COL1A1: variants seen among roughly 807,000 people sequenced by gnomAD.
COL1A1 encodes the protein collagen alpha-1(I) chain.
COL1A1 carries 21 observed loss-of-function variants against 195.7 expected under a neutral mutation model. The ratio of observed to expected loss-of-function variants is 0.11; its 90% CI spans 0.08 to 0.15. COL1A1 has a LOEUF of 0.15. Ranked by LOEUF, COL1A1 falls within the 10% of genes least tolerant of loss-of-function variation. COL1A1 has a pLI of 1.00. For synonymous variants in COL1A1, 749 were observed against 747.3 expected, an observed-to-expected ratio of 1.00 and a Z score of -0.04; for missense variants, 1,365 against 2,051.0, an observed-to-expected ratio of 0.67 and a Z score of 6.46.
At chr17:50,191,512 TG>T (rs1480698933) in intron 31 of COL1A1, 22 bp from the exon 32 acceptor site, 8 of 1,610,322 alleles carry the variant, frequency 5.0e-6, no homozygotes, top group Non-Finnish European at 6.8e-6. Flanking sequence ...CCAAGAAGAC[TG>T]GAGTGAGGCC....
In COL1A1 at chr17:50,197,269, T is replaced by G. The variant is rs947039565; in HGVS notation, c.697-36A>C. The G allele has an allele frequency of 3.1e-6, 5 of 1,607,588 alleles. No homozygotes were observed. In the African/African-American group the frequency reaches 6.7e-5, roughly 22 times the overall value. The stretch of plus-strand genomic sequence containing the variant: ...GAGAAAAGACCATCATGCCTCTGCC[T>G]CCCCACCACCGCCTAGGGGCTGGAA... On this transcript the variant is annotated intron_variant, in intron 9 of 50. Transcript: ENST00000225964.
intron 1 of COL1A1, 176 bp from the exon 2 acceptor site, chr17:50,200,123 C>T (rs1318883782): frequency 1.4e-6 from 1 of 710,788 alleles, no homozygotes; most frequent in Non-Finnish European, 2.5e-6. Context: ...GTGACAGCGC[C>T]GAGGCGCCTG....
intron 29 of COL1A1, 104 bp downstream of exon 29, chr17:50,192,371 C>T: frequency 4.5e-6 from 6 of 1,338,366 alleles, no homozygotes; most frequent in Non-Finnish European, 6.3e-6. Flanking sequence ...CGGCGTCTAA[C>T]CTCAATCCCT....
Position 50,186,588 on chromosome 17 carries a change from A to G in COL1A1, c.3814+52T>C. 6.2e-7 allele frequency: 1 copy of G among 1,613,542 alleles called. No individual in the cohort carries two copies. Among genetic ancestry groups the G allele is most frequent in the East Asian group, 2.2e-5 (1 of 44,868 alleles). ...GGTAGGGGCACATATGGGCATGGGG[A>G]CCCTGGCATGGCAGGAGTAGGAGGG... On this transcript the variant is annotated intron_variant, in intron 48 of 50. Coordinates refer to ENST00000225964, the MANE Select transcript of COL1A1 (RefSeq NM_000088.4). The surrounding 1 kb of genome is among the most constrained non-coding windows in gnomAD (Gnocchi z 5.3).
intron 1 of COL1A1, 62 bp downstream of exon 1, chr17:50,201,349 C>G: frequency 6.6e-7 from 1 of 1,517,368 alleles, no homozygotes; most frequent in Non-Finnish European, 9.0e-7. Flanking sequence ...GCCGCGGCCC[C>G]CGGGACCAAG....
chr17:50,188,313 A>G lies in COL1A1; in HGVS notation c.3208-164T>C. 1 of 851,752 alleles carries G rather than the reference A, an allele frequency of 1.2e-6. No individual in the cohort carries two copies. Among genetic ancestry groups the G allele is most frequent in the Non-Finnish European group, 1.8e-6 (1 of 551,876 alleles). 52.8% of individuals were successfully genotyped at this position (851,752 alleles called of 1,614,324 possible). ...ACCTCCCCACTGCAATCTTCACGGG[A>G]GCTGGGGCCAACTCATGGGAGAGGC... is the stretch of plus-strand genomic sequence containing the variant. On this transcript the variant is annotated intron_variant, in intron 43 of 50. Coordinates refer to ENST00000225964, the MANE Select transcript of COL1A1 (RefSeq NM_000088.4). The surrounding 1 kb of genome is among the most constrained non-coding windows in gnomAD (Gnocchi z 5.6).
chr17:50,197,144 A>C, intron 10 of COL1A1, 36 bp downstream of exon 10: 1 of 1,614,040 alleles, frequency 6.2e-7, no homozygotes, highest in Non-Finnish European at 8.5e-7. Flanking sequence ...GCCCAAGTGC[A>C]GTGAAGCCCA....
At position 50,185,809 on chromosome 17, in the gene COL1A1, A is replaced by T; in HGVS notation, c.4217T>A (p.Phe1406Tyr). ...GCCATCGACAGTGACGCTGTAGGTG[A>T]AGCGGCTGTTGCCCTCGGCGCGGAT... ...IEIRAEGNSRFTYSVTVDGCT... is the reference protein window; with the variant it reads ...IEIRAEGNSRYTYSVTVDGCT... Residue 1406 changes from phenylalanine (F) to tyrosine (Y), a missense_variant, in exon 50 of 51, where the codon TTC becomes TAC. This residue lies in a region of COL1A1 where 273 missense variants were observed against 338.6 expected (regional missense o/e 0.81). Coordinates refer to ENST00000225964, the MANE Select transcript of COL1A1 (RefSeq NM_000088.4). 6.2e-7 allele frequency: 1 copy of T among 1,613,956 alleles called. No individual in the cohort carries two copies. The highest frequency in any genetic ancestry group is 8.5e-7 in the Non-Finnish European group (1 of 1,180,008).
Position 50,198,148 on chromosome 17 carries a change from C to T in COL1A1, c.588+13G>A. 2.5e-6 allele frequency: 4 copies of T among 1,614,122 alleles called. No homozygotes were observed. In the South Asian group the frequency reaches 3.3e-5, roughly 13 times the overall value. On this transcript the variant is annotated intron_variant, in intron 7 of 50. Transcript: ENST00000225964. ...AGCCCAAGGAGGCATATGAAGACGT[C>T]CTGGATACTCACAGGTGCACCAGGG...
At position 50,184,837 on chromosome 17, in the gene COL1A1, T is replaced by TC. The variant is rs1176726306; in HGVS notation, c.*664dup. ...GCTTTGTCGTGGCCCTTCCTGACTC[T>TC]CCTCCGAACCCAGTGAGGGGCTGGT... is the stretch of plus-strand genomic sequence containing the variant. On this transcript the variant is annotated 3_prime_UTR_variant, in exon 51 of 51. Transcript: ENST00000225964. The TC allele has an allele frequency of 1.3e-5, 3 of 230,604 alleles. No individual in the cohort carries two copies. The highest frequency in any genetic ancestry group is 2.6e-5 in the Non-Finnish European group (3 of 116,574). 14.3% of individuals were successfully genotyped at this position (230,604 alleles called of 1,614,324 possible). A position where few individuals can be genotyped will look rare whatever the true frequency, so the allele number is the denominator to read the frequency against.
rs773946543 is a variant in COL1A1 at position 50,194,361 on chromosome 17, C to T, written c.1602G>A (p.Leu534=). 1 of 1,614,104 alleles carries T rather than the reference C, an allele frequency of 6.2e-7. No homozygotes were observed. Among genetic ancestry groups the T allele is most frequent in the Non-Finnish European group, 8.5e-7 (1 of 1,180,020 alleles). ...GEAGRPGEAG[L]PGAKGLTGSP... ...CCTGGGGCCTCACCTTGGCACCAGG[C>T]AGACCAGCTTCACCGGGACGACCAG... Residue 534 remains leucine (L), a synonymous_variant, in exon 23 of 51, where the codon CTG becomes CTA. Coordinates refer to ENST00000225964, the MANE Select transcript of COL1A1 (RefSeq NM_000088.4). The surrounding 1 kb of genome is among the most constrained non-coding windows in gnomAD (Gnocchi z 6.8).
At position 50,186,685 on chromosome 17, in the gene COL1A1, G is replaced by T. The variant is rs368295399; in HGVS notation, c.3769C>A (p.Arg1257Ser). 1 of 1,613,704 alleles carries T rather than the reference G, an allele frequency of 6.2e-7. No individual in the cohort carries two copies. Among genetic ancestry groups the T allele is most frequent in the Non-Finnish European group, 8.5e-7 (1 of 1,180,014 alleles). Residue 1257 changes from arginine to serine, a missense_variant, in exon 48 of 51, where the codon CGC becomes AGC. Arg to Ser is a moderately radical substitution (Grantham distance 110). Coordinates refer to ENST00000225964, the MANE Select transcript of COL1A1 (RefSeq NM_000088.4). This position sits in a 1 kb window ranked among gnomAD's most constrained non-coding sequence, Gnocchi z 5.3. ...CACATCTTGAGGTCACGGCAGGTGC[G>T]GGCGGGGTTCTTGCGGCTGCCCTCT... ...SPEGSRKNPA[R>S]TCRDLKMCHS...
At chr17:50,192,395 G>A in intron 29 of COL1A1, 80 bp downstream of exon 29, 5 of 1,466,186 alleles carry the variant, frequency 3.4e-6, no homozygotes, top group Non-Finnish European at 2.8e-6. Context: ...GTTGATGGCT[G>A]TCTGATTAGC....
rs116464938 is a variant in COL1A1 at position 50,193,107 on chromosome 17, G to A, written c.1768-60C>T. ...AAGTGAGAAGCCAGGGCCTCCTGGG[G>A]CCTCTCATTTACTCTGAGTGGGACT... On this transcript the variant is annotated intron_variant, in intron 25 of 50. Coordinates refer to ENST00000225964, the MANE Select transcript of COL1A1 (RefSeq NM_000088.4). The A allele has an allele frequency of 2.0e-3, 3,100 of 1,545,968 alleles. 60 individuals are homozygous for A. In the African/African-American group the frequency reaches 0.035, roughly 17 times the overall value.
intron 29 of COL1A1, 123 bp downstream of exon 29, chr17:50,192,352 A>C: frequency 8.8e-7 from 1 of 1,131,620 alleles, no homozygotes; most frequent in Non-Finnish European, 1.3e-6. Context: ...CATGGGAGGA[A>C]GTTCTTTCCG....
rs556171136 is a variant in COL1A1, at chr17:50,195,156, G to A, written c.1300-56C>T. On this transcript the variant is annotated intron_variant, in intron 19 of 50. Coordinates refer to ENST00000225964, the MANE Select transcript of COL1A1 (RefSeq NM_000088.4). The surrounding 1 kb of genome is among the most constrained non-coding windows in gnomAD (Gnocchi z 4.3). The stretch of plus-strand genomic sequence containing the variant: ...AGTCGGGGGCGCTCAGTTGGCCTGC[G>A]TCTTCCTGCTCCCCAGATGAGAGCC... 5.4e-5 allele frequency: 86 copies of A among 1,607,056 alleles called. No homozygotes were observed. In the South Asian group the frequency reaches 5.9e-4, roughly 11 times the overall value.
At chr17:50,187,269 C>T (rs887810510) in intron 46 of COL1A1, 147 bp from the exon 47 acceptor site, 3 of 827,594 alleles carry the variant, frequency 3.6e-6, no homozygotes, top group Admixed American at 4.4e-5. Flanking sequence ...CATGCCATAG[C>T]TCCTCCCAGC....
chr17:50,190,364 G>T lies in COL1A1; in HGVS notation c.2414C>A (p.Pro805His). The part of the protein sequence containing the change: ...ARGAPGDRGE[P>H]GPPGPAGFAG... Reference sequence around the variant, plus strand: ...AAAGCCAGCAGGGCCGGGGGGACCAGGCTCACCACGGTCTCCCTAGAAGAA... The same window carrying T: ...AAAGCCAGCAGGGCCGGGGGGACCATGCTCACCACGGTCTCCCTAGAAGAA... Residue 805 changes from proline to histidine, a missense_variant, in exon 35 of 51, where the codon CCT becomes CAT. Pro to His is a moderately conservative substitution (Grantham distance 77). This residue lies in a region of COL1A1 where 671 missense variants were observed against 1,099.9 expected (regional missense o/e 0.61). Coordinates refer to ENST00000225964, the MANE Select transcript of COL1A1 (RefSeq NM_000088.4). This position sits in a 1 kb window ranked among gnomAD's most constrained non-coding sequence, Gnocchi z 4.7. 1.2e-6 allele frequency: 2 copies of T among 1,610,608 alleles called. No homozygotes were observed. Among genetic ancestry groups the T allele is most frequent in the Non-Finnish European group, 1.7e-6 (2 of 1,177,356 alleles).
chr17:50,189,505 C>T lies in COL1A1; in HGVS notation c.2701G>A (p.Ala901Thr), dbSNP rs754482183. 8 of 1,613,768 alleles carry T rather than the reference C, an allele frequency of 5.0e-6. No individual in the cohort carries two copies. The African/African-American group carries it at 8.0e-5, about 16-fold the overall frequency. The change falls in exon 39 of 51, where the codon GCT becomes ACT. Residue 901 changes from alanine (A) to threonine (T), a missense_variant. Physicochemically the swap from Ala to Thr is moderately conservative, Grantham distance 58 (BLOSUM62 0). Coordinates refer to ENST00000225964, the MANE Select transcript of COL1A1 (RefSeq NM_000088.4). The surrounding 1 kb of genome is among the most constrained non-coding windows in gnomAD (Gnocchi z 5.5). Reference protein sequence around the residue: ...NAGPPGPPGPAGKEGGKGPRG... With the variant: ...NAGPPGPPGPTGKEGGKGPRG... ...GGACCTTTGCCGCCTTCTTTGCCAG[C>T]AGGACCAGGAGGGCCAGGGGGTCCA... is the stretch of plus-strand genomic sequence containing the variant.
Sources: gnomAD v4.1 joint callset for allele counts on GRCh38, gnomAD v4.1.1 for gene constraint, gnomAD v4.1.1 regional missense constraint, Gnocchi (gnomAD v3.1) non-coding constraint, MANE v1.5 for transcripts, NCBI Gene and HGNC (gene_info 2026-07-23, HGNC 2026-07-21) for gene names.